The following ACAD9 variants were observed in gnomAD, a reference collection of about 807,000 sequenced individuals.
ACAD9 encodes the protein complex I assembly factor ACAD9, mitochondrial.
A neutral mutation model predicts 70.2 loss-of-function variants in ACAD9; 53 were observed. That is an observed-to-expected ratio of 0.75 (90% CI 0.61 to 0.95). The LOEUF is 0.95. ACAD9 is among the 40% of genes least tolerant of loss of function. The pLI, the probability that ACAD9 is intolerant of heterozygous loss-of-function variation, is 0.00. For synonymous variants in ACAD9, 313 were observed against 312.1 expected (o/e 1.00, Z -0.03); for missense variants, 777 against 802.8 (o/e 0.97, Z 0.39).
chr3:128,905,830 C>A (rs1935872031), intron 11 of ACAD9, among the ~76,000 whole-genome samples: 1 of 152,078 alleles, frequency 6.6e-6, no homozygotes, highest in Non-Finnish European at 1.5e-5. Flanking sequence ...AGGAACAGGT[C>A]AGGTTTTCTC....
At position 128,896,966 on chromosome 3, in the gene ACAD9, G is replaced by T. The variant is rs188875099; in HGVS notation, c.554+430G>T. On this transcript the variant is annotated intron_variant, in intron 5 of 17. Coordinates refer to ENST00000308982, the MANE Select transcript of ACAD9 (RefSeq NM_014049.5). ...ACTCTGATGATAAGTCCATCACCTG[G>T]ACCATCCTCCATCCTGCTTCACTTT... Among the ~76,000 whole-genome samples the T allele has an allele frequency of 1.8e-3, 273 of 152,200 alleles. 1 individual carries two copies. Among genetic ancestry groups the T allele is most frequent in the Middle Eastern group, 3.4e-3 (1 of 294 alleles).
chr3:128,910,814 G>C lies in ACAD9; in HGVS notation c.1765+1G>C. The C allele has an allele frequency of 6.2e-7, 1 of 1,614,186 alleles. No homozygotes were observed. The highest frequency in any genetic ancestry group is 1.1e-5 in the South Asian group (1 of 91,090). ...TTCAGCCTCTCTCAGCTGGACAAGT[G>C]TGAGTGGCATGTCTTGGGGGAGGGA... On this transcript the variant is annotated splice_donor_variant, in intron 17 of 17. Coordinates refer to ENST00000308982, the MANE Select transcript of ACAD9 (RefSeq NM_014049.5). LOFTEE classifies it high-confidence loss of function.
chr3:128,909,479 A>T, intron 15 of ACAD9, 58 bp downstream of exon 15: 1 of 1,533,152 alleles, frequency 6.5e-7, no homozygotes, highest in South Asian at 1.1e-5. Flanking sequence ...GCCAGCATTC[A>T]TGAGACTACT....
intron 13 of ACAD9, 97 bp from the exon 14 acceptor site, chr3:128,908,876 G>A (rs112494321): frequency 3.8e-6 from 6 of 1,594,148 alleles, no homozygotes; most frequent in African/African-American, 2.7e-5. Context: ...CAGGCCAGAG[G>A]GGGGCACGGA....
chr3:128,907,537 C>G (rs1335094615), intron 12 of ACAD9, among the ~76,000 whole-genome samples: 1 of 152,122 alleles, frequency 6.6e-6, no homozygotes, highest in Non-Finnish European at 1.5e-5. Flanking sequence ...TGCAGTCCCC[C>G]CTTTTCCTGT....
At chr3:128,909,447 T>C (rs747514545) in intron 15 of ACAD9, 26 bp downstream of exon 15, 1 of 1,611,148 alleles carries the variant, frequency 6.2e-7, no homozygotes, top group Non-Finnish European at 8.5e-7. Context: ...CAGGCCTGGG[T>C]CGCAAGCGGT....
At chr3:128,910,837 G>A (rs2107666841) in intron 17 of ACAD9, 24 bp downstream of exon 17, 1 of 1,613,244 alleles carries the variant, frequency 6.2e-7, no homozygotes, top group Non-Finnish European at 8.5e-7. Context: ...CTTGGGGGAG[G>A]GAAGGAAGGG....
At chr3:128,911,391 G>A (rs373040189) in intron 17 of ACAD9, among the ~76,000 whole-genome samples, 1 of 151,986 alleles carries the variant, frequency 6.6e-6, no homozygotes, top group East Asian at 1.9e-4. Context: ...CAAGTGCAGA[G>A]CCCTTTGCGC....
intron 2 of ACAD9, 155 bp from the exon 3 acceptor site, chr3:128,893,400 A>G: frequency 1.6e-6 from 1 of 628,934 alleles, no homozygotes. Flanking sequence ...CATAAAATTG[A>G]ACACAGGCCA....
At chr3:128,908,687 C>G (rs867300334) in intron 13 of ACAD9, 1 of 555,572 alleles carries the variant, frequency 1.8e-6, no homozygotes, top group African/African-American at 1.9e-5. Flanking sequence ...CTGCTGGAGG[C>G]CAAGTACAGG....
rs778247964 is a variant in ACAD9, at chr3:128,912,908, G to A, written c.*301G>A. 1 of 564,612 alleles carries A rather than the reference G, an allele frequency of 1.8e-6. No individual in the cohort carries two copies. 35.0% of individuals were successfully genotyped at this position (564,612 alleles called of 1,614,324 possible). A position where few individuals can be genotyped will look rare whatever the true frequency, so the allele number is the denominator to read the frequency against. On this transcript the variant is annotated 3_prime_UTR_variant, in exon 18 of 18. Coordinates refer to ENST00000308982, the MANE Select transcript of ACAD9 (RefSeq NM_014049.5). ...GAGGAGACACCATAGTGGAAACTGG[G>A]GCTTATGCTGCTGCCTCCAGGGTGT...
At position 128,901,248 on chromosome 3, in the gene ACAD9, A is replaced by G. The variant is rs1397765204; in HGVS notation, c.809-28A>G. The G allele has an allele frequency of 7.5e-6, 12 of 1,610,152 alleles. No homozygotes were observed. In the East Asian group the frequency reaches 2.7e-4, roughly 36 times the overall value. On this transcript the variant is annotated intron_variant, in intron 7 of 17. Transcript: ENST00000308982. The stretch of plus-strand genomic sequence containing the variant: ...GATGCAGAGTGGTTTGCATTGTCAG[A>G]TGATATCTTAAATTTCATGTGTTTC...
intron 7 of ACAD9, among the ~76,000 whole-genome samples, chr3:128,899,945 C>T (rs1179446668): frequency 2.6e-5 from 4 of 152,104 alleles, no homozygotes; most frequent in Non-Finnish European, 5.9e-5. Flanking sequence ...CTATTTTTGC[C>T]GTGGGAGACA....
intron 5 of ACAD9, among the ~76,000 whole-genome samples, chr3:128,897,189 TTTTG>T (rs1488133402): frequency 2.6e-5 from 4 of 152,080 alleles, no homozygotes; most frequent in African/African-American, 7.3e-5. Context: ...TATAAATAAG[TTTTG>T]TTTGTTTGTT....
chr3:128,898,587 A>G, intron 6 of ACAD9: 1 of 329,516 alleles, frequency 3.0e-6, no homozygotes, highest in Admixed American at 4.5e-5. Flanking sequence ...TTTGGTAGAG[A>G]TGGGTTTTCA....
chr3:128,889,309 C>T (rs1265627967), intron 2 of ACAD9, among the ~76,000 whole-genome samples: 1 of 152,094 alleles, frequency 6.6e-6, no homozygotes, highest in Non-Finnish European at 1.5e-5. Context: ...ACACCACGCC[C>T]GGCCTACTGT....
At chr3:128,891,402 C>G (rs1215775798) in intron 2 of ACAD9, among the ~76,000 whole-genome samples, 3 of 152,152 alleles carry the variant, frequency 2.0e-5, no homozygotes, top group Non-Finnish European at 4.4e-5. Flanking sequence ...TGTCAGATCA[C>G]CTGAGGTCAG....
At chr3:128,895,251 A>G in intron 3 of ACAD9, 59 bp from the exon 4 acceptor site, 1 of 1,336,514 alleles carries the variant, frequency 7.5e-7, no homozygotes, top group Admixed American at 1.9e-5. Context: ...AAGCCAATGA[A>G]GCCTTAATGG....
intron 15 of ACAD9, 74 bp from the exon 16 acceptor site, chr3:128,909,947 T>G (rs1936079890): frequency 1.3e-6 from 2 of 1,588,232 alleles, no homozygotes; most frequent in Non-Finnish European, 1.7e-6. Context: ...CAGGCAAAGA[T>G]GCAGCCCAGG....
Sources: gnomAD v4.1 joint callset for allele counts (sites outside exome capture counted in the v4.1 genomes callset) on GRCh38, gnomAD v4.1.1 for gene constraint, MANE v1.5 for transcripts, NCBI Gene and HGNC (gene_info 2026-07-23, HGNC 2026-07-21) for gene names.